The following DLG2 variants were observed in gnomAD, a reference collection of about 807,000 sequenced individuals.
The protein encoded by DLG2 is discs large MAGUK scaffold protein 2.
In DLG2, 45 loss-of-function variants were observed where a neutral mutation model predicts 132.5. That is an observed-to-expected ratio of 0.34 (90% CI 0.27 to 0.44). The LOEUF (loss-of-function observed/expected upper bound fraction) is 0.44. DLG2 is among the 20% of genes least tolerant of loss of function. The pLI, the probability that DLG2 is intolerant of heterozygous loss-of-function variation, is 1.00. For missense variants in DLG2, 1,045 were observed against 1,196.9 expected (o/e 0.87, Z 1.87); for synonymous variants, 424 against 419.6 (o/e 1.01, Z -0.13).
chr11:84,417,123 G>T (rs996946109), intron 7 of DLG2, among the ~76,000 whole-genome samples: 1 of 152,168 alleles, frequency 6.6e-6, no homozygotes, highest in African/African-American at 2.4e-5. Context: ...CACACAGTAA[G>T]GGCTCTGTGA....
chr11:84,106,915 G>C (rs955014038), intron 9 of DLG2, among the ~76,000 whole-genome samples: 2 of 130,724 alleles, frequency 1.5e-5, no homozygotes, highest in African/African-American at 2.9e-5. Context: ...GTGTGTGTGA[G>C]AGAAGTGTGT....
At chr11:84,665,861 T>A (rs2099699269) in intron 6 of DLG2, among the ~76,000 whole-genome samples, 2 of 152,162 alleles carry the variant, frequency 1.3e-5, no homozygotes, top group South Asian at 2.1e-4. Context: ...ACCCATTCAA[T>A]TTGTTCCTTA....
intron 19 of DLG2, among the ~76,000 whole-genome samples, chr11:83,579,379 C>T (rs1037189303): frequency 6.6e-6 from 1 of 152,192 alleles, no homozygotes; most frequent in African/African-American, 2.4e-5. Flanking sequence ...CTCACGTGGT[C>T]CATGCCTTAG....
chr11:84,112,121 T>C (rs570773668), intron 9 of DLG2, among the ~76,000 whole-genome samples: 54 of 152,096 alleles, frequency 3.6e-4, no homozygotes, highest in Non-Finnish European at 6.9e-4. Context: ...CATGCCATTC[T>C]CCTGTCTCAG....
chr11:84,259,804 C>T (rs944763189), intron 7 of DLG2, among the ~76,000 whole-genome samples: 1 of 152,102 alleles, frequency 6.6e-6, no homozygotes. Flanking sequence ...AAACTAATAA[C>T]AGTAAGTAAC....
At chr11:84,458,528 A>C (rs2099071529) in intron 7 of DLG2, among the ~76,000 whole-genome samples, 5 of 150,948 alleles carry the variant, frequency 3.3e-5, no homozygotes, top group African/African-American at 4.8e-5. Flanking sequence ...GAATGTTATT[A>C]ATTTATTTGA....
chr11:85,242,787 T>C (rs2075953004), intron 4 of DLG2, among the ~76,000 whole-genome samples: 1 of 151,958 alleles, frequency 6.6e-6, no homozygotes, highest in Non-Finnish European at 1.5e-5. Flanking sequence ...AACCTTGTCT[T>C]TCTAACACCT....
intron 15 of DLG2, among the ~76,000 whole-genome samples, chr11:83,919,073 A>G (rs895764282): frequency 6.6e-6 from 1 of 152,148 alleles, no homozygotes; most frequent in Non-Finnish European, 1.5e-5. Context: ...ACAATAAGGA[A>G]AGTGTTGTAT....
At chr11:84,445,788 C>T (rs1027205819) in intron 7 of DLG2, among the ~76,000 whole-genome samples, 1 of 151,614 alleles carries the variant, frequency 6.6e-6, no homozygotes, top group Non-Finnish European at 1.5e-5. Flanking sequence ...TGGTAGCGGG[C>T]GCCTGTAGTC....
chr11:84,369,402 A>G lies in DLG2; in HGVS notation c.520-118111T>C, dbSNP rs565382821. Among the ~76,000 whole-genome samples, 60 of 152,312 alleles carry G rather than the reference A, an allele frequency of 3.9e-4. 2 individuals are homozygous for G. The South Asian group carries it at 0.012, about 29-fold the overall frequency. ...AAGAAAATGTTAATATTTCTCATGC[A>G]TTAAAATACTTAATTTATTAGATCT... On this transcript the variant is annotated intron_variant, in intron 7 of 27. Transcript: ENST00000376104.
At chr11:83,874,605 T>C in intron 15 of DLG2, 117 bp from the exon 16 acceptor site, 1 of 623,432 alleles carries the variant, frequency 1.6e-6, no homozygotes, top group Non-Finnish European at 2.5e-6. Context: ...GTTACATATG[T>C]ATACATGTGC....
chr11:83,741,124 A>G (rs180844020), intron 18 of DLG2, among the ~76,000 whole-genome samples: 1 of 152,312 alleles, frequency 6.6e-6, no homozygotes, highest in African/African-American at 2.4e-5. Context: ...AAAAACCCTT[A>G]ACAGACTAGG....
intron 8 of DLG2, among the ~76,000 whole-genome samples, chr11:84,223,794 T>A (rs540908112): frequency 6.6e-6 from 1 of 152,252 alleles, no homozygotes; most frequent in Admixed American, 6.5e-5. Flanking sequence ...TGACCTCAGG[T>A]GATCTGGCCC....
chr11:84,980,542 C>G (rs901455932), intron 6 of DLG2, among the ~76,000 whole-genome samples: 2 of 152,114 alleles, frequency 1.3e-5, no homozygotes, highest in Non-Finnish European at 2.9e-5. Flanking sequence ...TTCATGTCCC[C>G]CTGGAACTAG....
intron 16 of DLG2, among the ~76,000 whole-genome samples, chr11:83,862,744 G>C (rs2061658936): frequency 6.6e-6 from 1 of 152,120 alleles, no homozygotes. Flanking sequence ...CAGAGAGAGA[G>C]AAAGTGATGA....
chr11:85,429,624 C>T (rs1356651949), intron 3 of DLG2, among the ~76,000 whole-genome samples: 1 of 152,170 alleles, frequency 6.6e-6, no homozygotes, highest in African/African-American at 2.4e-5. Flanking sequence ...TCATCACTGG[C>T]CATCAGAGAA....
At chr11:85,256,180 G>A (rs530953270) in intron 4 of DLG2, among the ~76,000 whole-genome samples, 2 of 152,168 alleles carry the variant, frequency 1.3e-5, no homozygotes, top group Admixed American at 1.3e-4. Context: ...CAAACCCCAG[G>A]TTCCATGAGC....
At chr11:84,956,255 A>C (rs930451999) in intron 6 of DLG2, among the ~76,000 whole-genome samples, 8 of 152,230 alleles carry the variant, frequency 5.3e-5, no homozygotes, top group Non-Finnish European at 1.0e-4. Context: ...CATTGGGGGA[A>C]TGTTTGTATG....
chr11:85,009,531 G>A (rs1281332173), intron 6 of DLG2, among the ~76,000 whole-genome samples: 4 of 151,926 alleles, frequency 2.6e-5, no homozygotes, highest in Admixed American at 6.6e-5. Flanking sequence ...AAAGCCAGAC[G>A]CTATATAAAC....
Sources: gnomAD v4.1 joint callset for allele counts (sites outside exome capture counted in the v4.1 genomes callset) on GRCh38, gnomAD v4.1.1 for gene constraint, MANE v1.5 for transcripts, NCBI Gene and HGNC (gene_info 2026-07-23, HGNC 2026-07-21) for gene names.